Variants in SYNE2 observed in about 807,000 individuals in gnomAD.
SYNE2 encodes the protein spectrin repeat containing nuclear envelope protein 2, also known as nesprin-2.
Under a neutral mutation model 856.3 loss-of-function variants are expected in SYNE2, and 431 were observed. The observed-to-expected ratio is 0.50, with a 90% confidence interval of 0.47 to 0.55. The LOEUF (loss-of-function observed/expected upper bound fraction) is 0.55. SYNE2 is among the 20% of genes least tolerant of loss of function. SYNE2 has a pLI of 0.00. For missense variants in SYNE2, 8,129 were observed against 8,023.2 expected, an observed-to-expected ratio of 1.01 and a Z score of -0.50; for synonymous variants, 2,923 against 2,872.3, an observed-to-expected ratio of 1.02 and a Z score of -0.56.
intron 108 of SYNE2, 113 bp from the exon 109 acceptor site, chr14:64,218,285 T>C: frequency 1.0e-6 from 1 of 974,648 alleles, no homozygotes; most frequent in Non-Finnish European, 1.6e-6. Flanking sequence ...AAGATACCCT[T>C]CAAAGGAAAG....
chr14:63,872,625 G>C (rs1470415426), intron 1 of SYNE2, among the ~76,000 whole-genome samples: 2 of 151,812 alleles, frequency 1.3e-5, no homozygotes, highest in African/African-American at 2.4e-5. Flanking sequence ...ACGTGGTGGT[G>C]GTGACGGGTG....
Position 63,979,050 on chromosome 14 carries a change from C to T in SYNE2, c.1569+36C>T, listed in dbSNP as rs755431244. 21 of 1,606,184 alleles carry T rather than the reference C, an allele frequency of 1.3e-5. No homozygotes were observed. The South Asian group carries it at 2.1e-4, about 16-fold the overall frequency. On this transcript the variant is annotated intron_variant, in intron 14 of 115. Coordinates refer to ENST00000555002, the MANE Select transcript of SYNE2 (RefSeq NM_182914.3). ...CAATTTTGTGTCTTAGGCAACTCCTCCATCTCTGGGTGCTGTGTTTGCATT... is the reference window on the plus strand; with the variant it reads ...CAATTTTGTGTCTTAGGCAACTCCTTCATCTCTGGGTGCTGTGTTTGCATT...
At chr14:63,970,168 C>T (rs1002748946) in intron 11 of SYNE2, among the ~76,000 whole-genome samples, 2 of 151,826 alleles carry the variant, frequency 1.3e-5, no homozygotes, top group African/African-American at 2.4e-5. Flanking sequence ...TTGTATCTTG[C>T]TTTCTTACCT....
intron 1 of SYNE2, among the ~76,000 whole-genome samples, chr14:63,803,883 G>A (rs1000764622): frequency 7.9e-5 from 12 of 152,320 alleles, no homozygotes; most frequent in Middle Eastern, 3.4e-3. Context: ...TGTTGAGGGA[G>A]AGATCTGGTA....
intron 111 of SYNE2, 62 bp from the exon 112 acceptor site, chr14:64,221,514 C>G (rs771302894): frequency 1.2e-6 from 2 of 1,614,088 alleles, no homozygotes; most frequent in Admixed American, 3.3e-5. Context: ...AAGCCATGTT[C>G]CTGGCACACC....
At chr14:63,946,925 C>G (rs955541999) in intron 6 of SYNE2, among the ~76,000 whole-genome samples, 2 of 152,040 alleles carry the variant, frequency 1.3e-5, no homozygotes, top group African/African-American at 4.8e-5. Context: ...TCTTGACTCA[C>G]TGCAATGTCT....
chr14:64,152,979 A>G (rs2098256246), intron 85 of SYNE2, among the ~76,000 whole-genome samples: 1 of 152,210 alleles, frequency 6.6e-6, no homozygotes, highest in Admixed American at 6.5e-5. Flanking sequence ...GTACTCACTC[A>G]GACATAAATA....
At chr14:63,951,284 T>G (rs1595842624) in intron 7 of SYNE2, among the ~76,000 whole-genome samples, 1 of 152,140 alleles carries the variant, frequency 6.6e-6, no homozygotes, top group South Asian at 2.1e-4. Flanking sequence ...AGAGCTGAAG[T>G]TCTGCTTTCA....
chr14:64,153,755 A>T (rs1397820143), intron 85 of SYNE2, among the ~76,000 whole-genome samples: 2 of 151,998 alleles, frequency 1.3e-5, no homozygotes, highest in South Asian at 4.1e-4. Context: ...ATTACAATAT[A>T]ATAAAAATAT....
chr14:63,921,053 T>C (rs1410498104), intron 2 of SYNE2, among the ~76,000 whole-genome samples: 1 of 151,988 alleles, frequency 6.6e-6, no homozygotes, highest in African/African-American at 2.4e-5. Context: ...AGGTGGAAGC[T>C]GCAGTGAGCT....
intron 64 of SYNE2, among the ~76,000 whole-genome samples, chr14:64,103,294 A>G (rs1595539982): frequency 6.6e-6 from 1 of 152,156 alleles, no homozygotes; most frequent in East Asian, 1.9e-4. Flanking sequence ...GTTTTACCAA[A>G]GCATGTAAAT....
chr14:64,098,465 C>T (rs1370597340), intron 62 of SYNE2: 2 of 584,130 alleles, frequency 3.4e-6, no homozygotes, highest in East Asian at 2.9e-5. Flanking sequence ...TCAAGAAGGG[C>T]CCAGTGCCTA....
rs142439013 is a variant in SYNE2, at chr14:64,042,595, T to C, written c.7222-5405T>C. ...CCTGCCCTGTTCTCATGATAGTGAA[T>C]GAGTCTCATGAGATCTGATGGTTTT... On this transcript the variant is annotated intron_variant, in intron 45 of 115. Transcript: ENST00000555002. 6.5e-4 allele frequency among the ~76,000 whole-genome samples: 99 copies of C among 152,316 alleles called. 1 individual carries two copies. Among genetic ancestry groups the C allele is most frequent in the African/African-American group, 2.2e-3 (93 of 41,558 alleles).
chr14:64,114,713 G>T (rs1421456709), intron 66 of SYNE2, among the ~76,000 whole-genome samples: 1 of 151,764 alleles, frequency 6.6e-6, no homozygotes, highest in Non-Finnish European at 1.5e-5. Context: ...GACTTCCTGG[G>T]CTCAGGTGAT....
At chr14:63,950,033 G>GAC (rs2096124994) in intron 7 of SYNE2, 27 bp downstream of exon 7, 1 of 1,612,862 alleles carries the variant, frequency 6.2e-7, no homozygotes, top group African/African-American at 1.3e-5. Flanking sequence ...GACCCTAAGA[G>GAC]ACACACAGGG....
intron 64 of SYNE2, among the ~76,000 whole-genome samples, chr14:64,104,611 G>A (rs2097759592): frequency 6.6e-6 from 1 of 152,008 alleles, no homozygotes; most frequent in African/African-American, 2.4e-5. Flanking sequence ...CACCATGCCT[G>A]GCTCATTTTT....
At chr14:64,087,306 A>G in intron 57 of SYNE2, 2 of 441,568 alleles carry the variant, frequency 4.5e-6, no homozygotes, top group East Asian at 5.6e-5. Context: ...CAAGCTGAAC[A>G]TTTTCATTAG....
intron 87 of SYNE2, among the ~76,000 whole-genome samples, chr14:64,161,259 A>C (rs960670537): frequency 1.4e-4 from 21 of 151,862 alleles, no homozygotes; most frequent in African/African-American, 4.8e-4. Context: ...TGGGAGGATC[A>C]CTTAAGCCCA....
intron 1 of SYNE2, among the ~76,000 whole-genome samples, chr14:63,890,053 C>CTTTTTTTTTTT (rs71123813): frequency 3.2e-5 from 3 of 95,060 alleles, no homozygotes; most frequent in African/African-American, 4.2e-5. Flanking sequence ...TTCTTTCTTT[C>CTTTTTTTTTTT]TTTTTTTTTT....
Sources: allele counts gnomAD v4.1 joint callset (sites outside exome capture counted in the v4.1 genomes callset), GRCh38; gene constraint gnomAD v4.1.1; transcripts MANE v1.5; gene names NCBI Gene and HGNC (gene_info 2026-07-23, HGNC 2026-07-21).